DMD: variants seen among roughly 807,000 people sequenced by gnomAD.
DMD encodes dystrophin.
In DMD, 63 loss-of-function variants were observed where a neutral mutation model predicts 330.1. The observed-to-expected ratio is 0.19, with a 90% CI of 0.16 to 0.24. The LOEUF (loss-of-function observed/expected upper bound fraction) is 0.24, where lower values mean the gene tolerates loss of function less well. Among genes scored for constraint, DMD ranks in the 10% least tolerant of loss-of-function variants. The pLI, the probability that DMD is intolerant of heterozygous loss-of-function variation, is 1.00. For synonymous variants in DMD, 1,223 were observed against 959.8 expected (o/e 1.27, Z -5.07); for missense variants, 3,344 against 2,684.1 (o/e 1.25, Z -5.43).
chrX:33,069,255 T>G (rs972753122), intron 1 of DMD, among the ~76,000 whole-genome samples: 7 of 110,843 alleles, frequency 6.3e-5, no homozygotes, highest in African/African-American at 2.3e-4. Context: ...TGCCAATATT[T>G]TGCTCCCCGT....
intron 62 of DMD, among the ~76,000 whole-genome samples, chrX:31,321,320 C>G (rs989256861): frequency 1.8e-5 from 2 of 109,800 alleles, no homozygotes; most frequent in Non-Finnish European, 3.8e-5. Context: ...CATGGTGGCT[C>G]AAGCCTGTAA....
intron 44 of DMD, among the ~76,000 whole-genome samples, chrX:31,988,566 T>C (rs1010540701): frequency 9.2e-6 from 1 of 108,887 alleles, no homozygotes; most frequent in East Asian, 2.9e-4. Context: ...ATTTTCATAG[T>C]ATTTTAAAGC....
At chrX:32,375,007 T>A (rs887892469) in intron 34 of DMD, among the ~76,000 whole-genome samples, 11 of 111,794 alleles carry the variant, frequency 9.8e-5, no homozygotes, top group African/African-American at 3.6e-4. Context: ...ACCCAGTGAC[T>A]TACAGATCTG....
At chrX:32,978,648 T>A (rs1197449621) in intron 2 of DMD, among the ~76,000 whole-genome samples, 2 of 111,645 alleles carry the variant, frequency 1.8e-5, no homozygotes, top group Non-Finnish European at 3.8e-5. Context: ...TTTTATATTT[T>A]TAGTAGAGAC....
intron 2 of DMD, among the ~76,000 whole-genome samples, chrX:32,992,788 C>T (rs1212299456): frequency 1.9e-5 from 2 of 107,760 alleles, no homozygotes; most frequent in African/African-American, 6.8e-5. Flanking sequence ...TGCCTGTAAT[C>T]CCAACTACTT....
chrX:31,815,936 A>G (rs1259982192), intron 50 of DMD, among the ~76,000 whole-genome samples: 3 of 112,073 alleles, frequency 2.7e-5, no homozygotes, highest in Non-Finnish European at 5.6e-5. Flanking sequence ...GAGTGGCCTT[A>G]TGAAGAATCA....
intron 62 of DMD, among the ~76,000 whole-genome samples, chrX:31,269,399 A>G (rs929971040): frequency 2.4e-4 from 27 of 111,327 alleles, no homozygotes; most frequent in African/African-American, 6.9e-4. Context: ...ACATGAAAAG[A>G]GCCTGAAGCT....
intron 53 of DMD, among the ~76,000 whole-genome samples, chrX:31,674,899 C>T (rs192584090): frequency 2.1e-3 from 236 of 112,269 alleles, no homozygotes; most frequent in Non-Finnish European, 2.7e-3. Flanking sequence ...ACTATTTTTG[C>T]CTCTTGTGAA....
chrX:32,731,575 A>G lies in DMD; in HGVS notation c.650-32282T>C, dbSNP rs188464634. On this transcript the variant is annotated intron_variant, in intron 7 of 78. Transcript: ENST00000357033. ...CGCAGCTGGAGATCTGAGAAGGGGC[A>G]GACTGCCTCCTCAAGTGGGTGCCTG... is the stretch of plus-strand genomic sequence containing the variant. Among the ~76,000 whole-genome samples, 1,170 of 112,458 alleles carry G rather than the reference A, an allele frequency of 0.01. 39 individuals are homozygous for G. The East Asian group carries it at 0.16, about 15-fold the overall frequency.
intron 30 of DMD, among the ~76,000 whole-genome samples, chrX:32,404,977 G>A (rs1050919308): frequency 4.5e-5 from 5 of 111,437 alleles, no homozygotes; most frequent in African/African-American, 1.6e-4. Context: ...AATCAAAATA[G>A]GAGAGAATCT....
chrX:32,477,108 G>C (rs1427313632), intron 21 of DMD, among the ~76,000 whole-genome samples: 1 of 110,862 alleles, frequency 9.0e-6, no homozygotes, highest in Non-Finnish European at 1.9e-5. Context: ...GTATTCCTAT[G>C]ACAGTTTCTA....
chrX:31,638,086 T>C (rs765314232), intron 54 of DMD, among the ~76,000 whole-genome samples: 1 of 112,066 alleles, frequency 8.9e-6, no homozygotes, highest in Non-Finnish European at 1.9e-5. Context: ...TTTTTCTGAA[T>C]TTTCAAAATG....
intron 44 of DMD, among the ~76,000 whole-genome samples, chrX:32,075,051 A>G (rs1367836078): frequency 5.3e-5 from 6 of 112,230 alleles, no homozygotes; most frequent in Non-Finnish European, 1.1e-4. Context: ...CTGGAGAGGA[A>G]CAAAGCATTG....
chrX:33,051,646 A>ATTTTTTTTTTTTTTTTTTTTTTTTTTTTT lies in DMD; in HGVS notation c.32-31447_32-31446insAAAAAAAAAAAAAAAAAAAAAAAAAAAAA, dbSNP rs754035822. Among the ~76,000 whole-genome samples the ATTTTTTTTTTTTTTTTTTTTTTTTTTTTT allele has an allele frequency of 4.2e-5, 3 of 71,926 alleles. 1 individual carries two copies. Among genetic ancestry groups the ATTTTTTTTTTTTTTTTTTTTTTTTTTTTT allele is most frequent in the African/African-American group, 2.0e-4 (3 of 15,375 alleles). The allele number at this position is 71,926 out of a possible 115,157, so 62.5% of individuals were successfully genotyped here. ...TAAGGAAAATATATAATTACGCTCTATTTTTTTTTTTTTTTTTTTGAGACG... is the reference window on the plus strand; with the variant it reads ...TAAGGAAAATATATAATTACGCTCTATTTTTTTTTTTTTTTTTTTTTTTTTTTTTTTTTTTTTTTTTTTTTTTTGAGACG... On this transcript the variant is annotated intron_variant, in intron 1 of 78. Transcript: ENST00000357033.
intron 70 of DMD, chrX:31,178,447 T>TTTA: frequency 1.2e-6 from 1 of 866,895 alleles, no homozygotes; most frequent in Non-Finnish European, 1.4e-6. Context: ...TTTTTTTTTT[T>TTTA]CCCCCTGTGA....
At chrX:31,277,624 C>T (rs2052252936) in intron 62 of DMD, among the ~76,000 whole-genome samples, 1 of 110,913 alleles carries the variant, frequency 9.0e-6, no homozygotes, top group Non-Finnish European at 1.9e-5. Flanking sequence ...CGACATAAGC[C>T]AGGAACATGA....
At chrX:32,790,374 C>G (rs947071718) in intron 7 of DMD, among the ~76,000 whole-genome samples, 2 of 111,468 alleles carry the variant, frequency 1.8e-5, no homozygotes, top group African/African-American at 3.3e-5. Flanking sequence ...CAATCCTAGC[C>G]AATTGAGAGC....
chrX:32,199,457 G>A lies in DMD; in HGVS notation c.6438+17459C>T, dbSNP rs188185930. On this transcript the variant is annotated intron_variant, in intron 44 of 78. Transcript: ENST00000357033. ...CTGAGCCACTAGCAGAAGTGAGGAT[G>A]TGCAGTCTGATGACTCACGGTTGCA... 1.7e-3 allele frequency among the ~76,000 whole-genome samples: 193 copies of A among 110,881 alleles called. 2 individuals carry two copies. Among genetic ancestry groups the A allele is most frequent in the African/African-American group, 6.2e-3 (187 of 30,387 alleles).
chrX:32,503,054 G>C (rs1483598147), intron 18 of DMD, among the ~76,000 whole-genome samples: 6 of 111,864 alleles, frequency 5.4e-5, no homozygotes, highest in Non-Finnish European at 1.1e-4. Context: ...CATGTGACCA[G>C]TGTTAACTGT....
Sources: allele counts gnomAD v4.1 joint callset (sites outside exome capture counted in the v4.1 genomes callset), GRCh38; gene constraint gnomAD v4.1.1; transcripts MANE v1.5; gene names NCBI Gene and HGNC (gene_info 2026-07-23, HGNC 2026-07-21).